DIDO1: variants seen among roughly 807,000 people sequenced by gnomAD.
The protein encoded by DIDO1 is death inducer-obliterator 1.
DIDO1 carries 16 observed loss-of-function variants against 99.4 expected under a neutral mutation model. That is an observed-to-expected ratio of 0.16 (90% CI 0.11 to 0.24). The LOEUF is 0.24. Among genes scored for constraint, DIDO1 ranks in the 10% least tolerant of loss-of-function variants. The pLI is 1.00. For missense variants in DIDO1, 2,996 were observed against 3,014.0 expected, an observed-to-expected ratio of 0.99 and a Z score of 0.14; for synonymous variants, 1,366 against 1,239.1, an observed-to-expected ratio of 1.10 and a Z score of -2.15.
Position 62,880,204 on chromosome 20 carries a change from G to T in DIDO1, c.5752C>A (p.Pro1918Thr). 6.2e-7 allele frequency: 1 copy of T among 1,612,358 alleles called. No individual in the cohort carries two copies. Residue 1918 changes from proline (P) to threonine (T), a missense_variant, in exon 16 of 16, where the codon CCA (proline) becomes ACA (threonine). By Grantham distance (38) the Pro-to-Thr change is conservative. Transcript: ENST00000395343. Reference protein sequence around the residue: ...PPSQFGGQRGPPPGHFVGPRG... With the variant: ...PPSQFGGQRGTPPGHFVGPRG... ...GGGCCCACGAAATGACCAGGGGGTG[G>T]TCCTCTCTGACCTCCAAACTGAGAG...
rs2064528636 is a variant in DIDO1, at chr20:62,896,569, T to C, written c.2016A>G (p.Gln672=). 1.3e-6 allele frequency: 2 copies of C among 1,595,276 alleles called. No homozygotes were observed. The highest frequency in any genetic ancestry group is 1.7e-6 in the Non-Finnish European group (2 of 1,171,614). Residue 672 remains glutamine (Q), a synonymous_variant, in exon 7 of 16, where the codon CAA becomes CAG. Transcript: ENST00000395343. The surrounding 1 kb of genome is among the most constrained non-coding windows in gnomAD (Gnocchi z 4.4). ...TCTCTTTTAAGGAGCGTCTGATATT[T>C]TGCCGAATTTGTGAATTTGGCTGCG... ...APSQPNSQIR[Q]NIRRSLKEIL... is the part of the protein sequence containing the mutation.
chr20:62,879,402 C>T lies in DIDO1; in HGVS notation c.6554G>A (p.Arg2185Gln), dbSNP rs2064156802. The T allele has an allele frequency of 1.9e-6, 3 of 1,543,382 alleles. No homozygotes were observed. The highest frequency in any genetic ancestry group is 1.4e-5 in the African/African-American group (1 of 73,016). ...RSRNRERERD[R>Q]RRDRDRSRSR... ...CCGGGACCGGTCCCGGTCGCGCCTCCGGTCTCGCTCGCGCTCTCGGTTCCT... is the reference window on the plus strand; with the variant it reads ...CCGGGACCGGTCCCGGTCGCGCCTCTGGTCTCGCTCGCGCTCTCGGTTCCT... Residue 2185 changes from arginine (R) to glutamine (Q), a missense_variant, in exon 16 of 16, where the codon CGG becomes CAG. By Grantham distance (43) the Arg-to-Gln change is conservative. Around this residue, in one of 5 missense-constraint regions of DIDO1, gnomAD observed 1,562 missense variants for 1,412.6 expected, o/e 1.11. Transcript: ENST00000395343. The surrounding 1 kb of genome is among the most constrained non-coding windows in gnomAD (Gnocchi z 6.3).
Position 62,879,257 on chromosome 20 carries a change from G to A in DIDO1, c.6699C>T (p.Asp2233=), listed in dbSNP as rs548542005. 47 of 1,552,886 alleles carry A rather than the reference G, an allele frequency of 3.0e-5. No individual in the cohort carries two copies. The East Asian group carries it at 9.3e-4, about 31-fold the overall frequency. ...DPKPEASRAS[D]AGTASQA ...TCTAGGCCTGCGAGGCGGTGCCAGCGTCGGAGGCCCTCGAGGCCTCGGGCT... is the reference window on the plus strand; with the variant it reads ...TCTAGGCCTGCGAGGCGGTGCCAGCATCGGAGGCCCTCGAGGCCTCGGGCT... The change falls in exon 16 of 16, where the codon GAC becomes GAT. Residue 2233 remains aspartate (D), a synonymous_variant. Transcript: ENST00000395343. The surrounding 1 kb of genome is among the most constrained non-coding windows in gnomAD (Gnocchi z 6.3).
Position 62,914,748 on chromosome 20 carries a change from G to A in DIDO1, c.-199-342C>T, listed in dbSNP as rs568773566. 5.3e-5 allele frequency among the ~76,000 whole-genome samples: 8 copies of A among 152,304 alleles called. 1 individual carries two copies. The South Asian group carries it at 1.5e-3, about 28-fold the overall frequency. On this transcript the variant is annotated intron_variant, in intron 1 of 15. Transcript: ENST00000395343. ...TCTTTTCCATTTGGAGCCTATGTCCGAGATGGACCCCACTCAATAAAATCC... is the reference window on the plus strand; with the variant it reads ...TCTTTTCCATTTGGAGCCTATGTCCAAGATGGACCCCACTCAATAAAATCC...
At chr20:62,922,184 G>A (rs1003692580) in intron 1 of DIDO1, among the ~76,000 whole-genome samples, 3 of 133,056 alleles carry the variant, frequency 2.3e-5, no homozygotes, top group South Asian at 2.5e-4. Context: ...TTATATGTAT[G>A]TGTGTGTGTG....
intron 1 of DIDO1, among the ~76,000 whole-genome samples, chr20:62,924,223 TGTAA>T (rs1040402531): frequency 6.6e-6 from 1 of 152,168 alleles, no homozygotes; most frequent in Non-Finnish European, 1.5e-5. Context: ...AAATAAGAAA[TGTAA>T]GTGAGAGACT....
chr20:62,935,901 A>C (rs570545449), intron 1 of DIDO1, among the ~76,000 whole-genome samples: 122 of 152,390 alleles, frequency 8.0e-4, no homozygotes, highest in Non-Finnish European at 1.4e-3. Flanking sequence ...ATGGTGGAAG[A>C]GGCTGGGAAA....
At chr20:62,932,334 C>T (rs2065339977) in intron 1 of DIDO1, among the ~76,000 whole-genome samples, 1 of 152,208 alleles carries the variant, frequency 6.6e-6, no homozygotes. Context: ...TCTACTTCTA[C>T]CTGCCCATCA....
intron 1 of DIDO1, 73 bp from the exon 2 acceptor site, chr20:62,914,479 C>G (rs575464187): frequency 6.6e-6 from 1 of 152,148 alleles, no homozygotes. Flanking sequence ...AAGGGAGTAC[C>G]GAACTTCTCA....
At chr20:62,882,902 G>C (rs1266710459) in intron 15 of DIDO1, among the ~76,000 whole-genome samples, 1 of 149,592 alleles carries the variant, frequency 6.7e-6, no homozygotes, top group Admixed American at 6.7e-5. Context: ...CTGCCAGGAA[G>C]GTAACAAACA....
At chr20:62,888,573 T>G in intron 15 of DIDO1, 5 of 985,576 alleles carry the variant, frequency 5.1e-6, no homozygotes, top group Non-Finnish European at 6.0e-6. Context: ...AGGTGTGGCC[T>G]GTGCTGTCCA....
At chr20:62,925,187 A>T (rs2065229178) in intron 1 of DIDO1, among the ~76,000 whole-genome samples, 1 of 152,270 alleles carries the variant, frequency 6.6e-6, no homozygotes, top group Admixed American at 6.5e-5. Context: ...ATTTAAAGGA[A>T]GGAGCTGGAA....
At chr20:62,889,643 C>A (rs890382204) in intron 15 of DIDO1, 1 of 985,370 alleles carries the variant, frequency 1.0e-6, no homozygotes, top group East Asian at 1.1e-4. Flanking sequence ...CCAGGAGGGC[C>A]GGGCTTTTCC....
intron 5 of DIDO1, among the ~76,000 whole-genome samples, chr20:62,906,477 C>T (rs765785042): frequency 1.4e-4 from 22 of 152,210 alleles, no homozygotes; most frequent in Non-Finnish European, 2.5e-4. Flanking sequence ...AGAGGAAAGG[C>T]CTGCGCGCGA....
At position 62,911,719 on chromosome 20, in the gene DIDO1, G is replaced by T; in HGVS notation, c.-2-105C>A. ...GGGCCACCTCCCTACAAACAGTGGAGCTCTACATAAAGCAAGTCCTTCTGA... is the reference window on the plus strand; with the variant it reads ...GGGCCACCTCCCTACAAACAGTGGATCTCTACATAAAGCAAGTCCTTCTGA... On this transcript the variant is annotated intron_variant, in intron 2 of 15. Transcript: ENST00000395343. This position sits in a 1 kb window ranked among gnomAD's most constrained non-coding sequence, Gnocchi z 7.0. 2.0e-6 allele frequency: 2 copies of T among 1,004,004 alleles called. No homozygotes were observed. The highest frequency in any genetic ancestry group is 1.8e-5 in the South Asian group (1 of 54,444). 62.2% of individuals were successfully genotyped at this position (1,004,004 alleles called of 1,614,324 possible). A position where few individuals can be genotyped will look rare whatever the true frequency, so the allele number is the denominator to read the frequency against.
chr20:62,896,809 G>C lies in DIDO1; in HGVS notation c.1776C>G (p.Gly592=). 1 of 1,614,184 alleles carries C rather than the reference G, an allele frequency of 6.2e-7. No individual in the cohort carries two copies. Among genetic ancestry groups the C allele is most frequent in the Non-Finnish European group, 8.5e-7 (1 of 1,180,052 alleles). Residue 592 remains glycine (G), a synonymous_variant, in exon 7 of 16, where the codon GGC becomes GGG. Transcript: ENST00000395343. This position sits in a 1 kb window ranked among gnomAD's most constrained non-coding sequence, Gnocchi z 4.4. The part of the protein sequence containing the change: ...AIKKPPSGFK[G]TIPKRPWLSA... ...AGAGCCATGGCCTCTTGGGGATGGT[G>C]CCCTTGAAACCTGAGGGTGGCTTTT...
intron 6 of DIDO1, chr20:62,904,904 A>G: frequency 1.2e-6 from 1 of 856,396 alleles, no homozygotes; most frequent in Non-Finnish European, 1.4e-6. Context: ...GACGACGGGA[A>G]AGTGGGGCAC....
chr20:62,905,528 G>A (rs754771449), intron 6 of DIDO1: 85 of 1,550,918 alleles, frequency 5.5e-5, no homozygotes, highest in Middle Eastern at 5.0e-4. Context: ...GCAGACAGGG[G>A]TGGATGTGGC....
At chr20:62,900,486 G>A (rs1168076114) in intron 6 of DIDO1, among the ~76,000 whole-genome samples, 1 of 152,204 alleles carries the variant, frequency 6.6e-6, no homozygotes. Context: ...CCCACTGGAG[G>A]ATGGTGCTAC....
Sources: allele counts gnomAD v4.1 joint callset (sites outside exome capture counted in the v4.1 genomes callset), GRCh38; gene constraint gnomAD v4.1.1; regional missense constraint gnomAD v4.1.1; non-coding constraint Gnocchi (gnomAD v3.1); transcripts MANE v1.5; gene names NCBI Gene and HGNC (gene_info 2026-07-23, HGNC 2026-07-21).